PDE4B: variants seen among roughly 807,000 people sequenced by gnomAD.
PDE4B encodes 3',5'-cyclic-AMP phosphodiesterase 4B.
A neutral mutation model predicts 82.2 loss-of-function variants in PDE4B; 20 were observed. The ratio of observed to expected loss-of-function variants is 0.24; its 90% CI spans 0.17 to 0.35. PDE4B has a LOEUF of 0.35. Ranked by LOEUF, PDE4B falls within the 10% of genes least tolerant of loss-of-function variation. The probability of loss-of-function intolerance (pLI) is 1.00; values close to 1 mark genes in which losing one functional copy is unlikely to be tolerated. For missense variants in PDE4B, 655 were observed against 907.2 expected (o/e 0.72, Z 3.57); for synonymous variants, 320 against 318.9 (o/e 1.00, Z -0.04).
intron 7 of PDE4B, among the ~76,000 whole-genome samples, chr1:66,284,205 A>C (rs565149306): frequency 1.4e-4 from 21 of 152,216 alleles, no homozygotes; most frequent in Non-Finnish European, 1.9e-4. Context: ...AACACTCTGT[A>C]CTGAGCTGTA....
chr1:66,346,162 A>G (rs184133830), intron 8 of PDE4B, among the ~76,000 whole-genome samples: 3 of 152,318 alleles, frequency 2.0e-5, no homozygotes, highest in African/African-American at 7.2e-5. Flanking sequence ...ATTATCTGCC[A>G]TCATTTGGTT....
At chr1:65,804,110 A>G (rs1183654908) in intron 1 of PDE4B, among the ~76,000 whole-genome samples, 1 of 152,134 alleles carries the variant, frequency 6.6e-6, no homozygotes, top group Non-Finnish European at 1.5e-5. Context: ...TGCTTAGGGG[A>G]CTTGTCTAAT....
intron 3 of PDE4B, among the ~76,000 whole-genome samples, chr1:66,060,873 C>G (rs1655549712): frequency 6.6e-6 from 1 of 151,834 alleles, no homozygotes; most frequent in Non-Finnish European, 1.5e-5. Context: ...CTTGGTCCTT[C>G]TCTTCTTCCT....
At chr1:66,115,417 AGAGGGTTGTT>A (rs11278481) in intron 3 of PDE4B, among the ~76,000 whole-genome samples, 4,582 of 152,332 alleles carry the variant, frequency 0.03, 244 homozygotes, top group African/African-American at 0.1. Context: ...CACTAAATAC[AGAGGGTTGTT>A]GCCAAGCAAG....
At chr1:66,020,826 T>C (rs1472928321) in intron 3 of PDE4B, among the ~76,000 whole-genome samples, 1 of 152,218 alleles carries the variant, frequency 6.6e-6, no homozygotes, top group Admixed American at 6.5e-5. Context: ...TTTGGGTATA[T>C]GCCCAGTAAC....
intron 3 of PDE4B, among the ~76,000 whole-genome samples, chr1:66,065,315 A>G (rs978045165): frequency 2.0e-5 from 3 of 151,958 alleles, no homozygotes; most frequent in Non-Finnish European, 4.4e-5. Context: ...AGTTGCCATC[A>G]ATTTTAAGTA....
chr1:66,124,303 A>T (rs1645774748), intron 3 of PDE4B, among the ~76,000 whole-genome samples: 1 of 152,198 alleles, frequency 6.6e-6, no homozygotes, highest in African/African-American at 2.4e-5. Context: ...TAGCAGATTG[A>T]CAGTAATACG....
At position 66,131,014 on chromosome 1, in the gene PDE4B, T is replaced by C. The variant is rs370364473; in HGVS notation, c.282-116446T>C. Among the ~76,000 whole-genome samples the C allele has an allele frequency of 1.3e-4, 20 of 152,220 alleles. 1 individual carries two copies. The highest frequency in any genetic ancestry group is 1.2e-3 in the East Asian group (6 of 5,202). Reference sequence around the variant, plus strand: ...GGATGCTGTCTCCAAATGTCATGCATGTTGTAAAAGCCCAGCAATTAGAAA... The same window carrying C: ...GGATGCTGTCTCCAAATGTCATGCACGTTGTAAAAGCCCAGCAATTAGAAA... On this transcript the variant is annotated intron_variant, in intron 3 of 16. Transcript: ENST00000341517.
chr1:66,332,440 C>T (rs759292089), intron 7 of PDE4B, 68 bp from the exon 8 acceptor site: 17 of 1,614,012 alleles, frequency 1.1e-5, no homozygotes, highest in Admixed American at 1.0e-4. Flanking sequence ...GCGGTGGTAG[C>T]GGTGACTCTG....
At chr1:66,070,002 A>G (rs1311528592) in intron 3 of PDE4B, among the ~76,000 whole-genome samples, 1 of 151,888 alleles carries the variant, frequency 6.6e-6, no homozygotes, top group East Asian at 1.9e-4. Flanking sequence ...TGTGTGTACT[A>G]TGTATTTTTG....
intron 6 of PDE4B, among the ~76,000 whole-genome samples, chr1:66,259,569 C>G (rs1166158582): frequency 6.6e-6 from 1 of 152,160 alleles, no homozygotes; most frequent in East Asian, 1.9e-4. Context: ...TCCCTGACCT[C>G]ACCAAACCTG....
intron 1 of PDE4B, among the ~76,000 whole-genome samples, chr1:65,818,187 A>G (rs560495515): frequency 6.6e-6 from 1 of 152,238 alleles, no homozygotes; most frequent in African/African-American, 2.4e-5. Flanking sequence ...CACACTTAAA[A>G]TTCTTCAGCC....
intron 1 of PDE4B, among the ~76,000 whole-genome samples, chr1:65,829,994 A>G (rs1160962458): frequency 1.3e-5 from 2 of 152,192 alleles, no homozygotes; most frequent in African/African-American, 4.8e-5. Flanking sequence ...CAGTTCTTCT[A>G]AAAGGAACAA....
At chr1:66,355,380 G>A (rs1162523745) in intron 8 of PDE4B, 147 bp from the exon 9 acceptor site, 3 of 451,238 alleles carry the variant, frequency 6.6e-6, no homozygotes, top group Non-Finnish European at 1.2e-5. Context: ...TCAAATTGAA[G>A]AGATATATTT....
Position 66,367,699 on chromosome 1 carries a change from CA to C in PDE4B, c.1389del (p.Glu464AsnfsTer4). The C allele has an allele frequency of 6.2e-7, 1 of 1,607,340 alleles. No homozygotes were observed. Among genetic ancestry groups the C allele is most frequent in the Non-Finnish European group, 8.5e-7 (1 of 1,176,992 alleles). On this transcript the variant is annotated frameshift_variant, in exon 14 of 17. Coordinates refer to ENST00000341517, the MANE Select transcript of PDE4B (RefSeq NM_002600.4). LOFTEE classifies it high-confidence loss of function. ...ATCATTTGGTCTGATTTATTAGATTCAGAACTTGCTTTGATGTATAATGATG... is the reference window on the plus strand; with the variant it reads ...ATCATTTGGTCTGATTTATTAGATTCGAACTTGCTTTGATGTATAATGATG... ...VSNQFLINTN[S>X]ELALMYNDES...
intron 1 of PDE4B, among the ~76,000 whole-genome samples, chr1:65,818,713 A>C (rs1254940485): frequency 7.2e-6 from 1 of 138,504 alleles, no homozygotes; most frequent in East Asian, 2.8e-4. Flanking sequence ...TAAAATAACA[A>C]AAATCTTCAA....
At chr1:66,290,267 AAAG>A (rs1197459099) in intron 7 of PDE4B, among the ~76,000 whole-genome samples, 2 of 152,186 alleles carry the variant, frequency 1.3e-5, no homozygotes, top group Admixed American at 6.5e-5. Context: ...ACACCTGGTG[AAAG>A]AAGAAGAAGG....
chr1:66,195,505 C>T (rs1385632420), intron 3 of PDE4B, among the ~76,000 whole-genome samples: 2 of 152,152 alleles, frequency 1.3e-5, no homozygotes, highest in East Asian at 1.9e-4. Context: ...CTAAAGAGCA[C>T]CATCCCCTGT....
intron 3 of PDE4B, among the ~76,000 whole-genome samples, chr1:66,186,430 T>C (rs1271808646): frequency 6.6e-6 from 1 of 152,210 alleles, no homozygotes; most frequent in East Asian, 1.9e-4. Flanking sequence ...TTGGGCAGTA[T>C]GGCCATTTTC....
Sources: allele counts gnomAD v4.1 joint callset (sites outside exome capture counted in the v4.1 genomes callset), GRCh38; gene constraint gnomAD v4.1.1; transcripts MANE v1.5; gene names NCBI Gene and HGNC (gene_info 2026-07-23, HGNC 2026-07-21).